ZNF407: variants seen among roughly 807,000 people sequenced by gnomAD.
ZNF407 encodes zinc finger protein 407.
In ZNF407, 17 loss-of-function variants were observed where a neutral mutation model predicts 131.2. The ratio of observed to expected loss-of-function variants is 0.13; its 90% CI spans 0.09 to 0.19. The LOEUF is 0.19. ZNF407 is among the 10% of genes least tolerant of loss of function. The pLI, the probability that ZNF407 is intolerant of heterozygous loss-of-function variation, is 1.00. For synonymous variants in ZNF407, 1,156 were observed against 1,062.0 expected, an observed-to-expected ratio of 1.09 and a Z score of -1.72; for missense variants, 2,681 against 2,830.6, an observed-to-expected ratio of 0.95 and a Z score of 1.20.
chr18:75,025,998 A>G lies in ZNF407; in HGVS notation c.5429-37152A>G, dbSNP rs912914717. Among the ~76,000 whole-genome samples the G allele has an allele frequency of 2.4e-4, 36 of 152,318 alleles. 1 individual carries two copies. Among genetic ancestry groups the G allele is most frequent in the African/African-American group, 7.0e-4 (29 of 41,560 alleles). On this transcript the variant is annotated intron_variant, in intron 8 of 8. Coordinates refer to ENST00000299687, the MANE Select transcript of ZNF407 (RefSeq NM_017757.3). ...CACGGCGTTAATTGAATCAACATCC[A>G]CTACGTAGAAGGTGTCTCTCACTTT...
chr18:74,981,875 T>C (rs971241242), intron 8 of ZNF407, among the ~76,000 whole-genome samples: 4 of 152,262 alleles, frequency 2.6e-5, no homozygotes, highest in Non-Finnish European at 5.9e-5. Flanking sequence ...AAATTGAAAC[T>C]TACCCAAATG....
At position 74,993,692 on chromosome 18, in the gene ZNF407, G is replaced by A. The variant is rs539028729; in HGVS notation, c.5429-69458G>A. On this transcript the variant is annotated intron_variant, in intron 8 of 8. Transcript: ENST00000299687. The stretch of plus-strand genomic sequence containing the variant: ...AAACTGTTAAGAAACAAAAAAATAC[G>A]CAGCGATTAAGTAATAGTTAACAGT... 9.9e-5 allele frequency among the ~76,000 whole-genome samples: 15 copies of A among 152,244 alleles called. No individual in the cohort carries two copies. The South Asian group carries it at 2.5e-3, about 25-fold the overall frequency.
intron 5 of ZNF407, among the ~76,000 whole-genome samples, chr18:74,879,761 A>G (rs180820342): frequency 6.6e-6 from 1 of 152,334 alleles, no homozygotes; most frequent in African/African-American, 2.4e-5. Context: ...CCCTTAGGAA[A>G]TAAGATTAAG....
intron 4 of ZNF407, chr18:74,803,964 A>G: frequency 6.4e-7 from 1 of 1,551,816 alleles, no homozygotes; most frequent in Non-Finnish European, 8.7e-7. Flanking sequence ...TTGGCTTCAG[A>G]GTAAAGGTTG....
intron 3 of ZNF407, among the ~76,000 whole-genome samples, chr18:74,732,047 CTAGGTAG>C (rs1968306378): frequency 6.6e-6 from 1 of 152,066 alleles, no homozygotes; most frequent in Non-Finnish European, 1.5e-5. Flanking sequence ...ACAAAGTAAC[CTAGGTAG>C]GTTTTCAGTT....
chr18:74,961,716 TA>T (rs11356218), intron 8 of ZNF407, among the ~76,000 whole-genome samples: 27,610 of 140,170 alleles, frequency 0.2, 2,804 homozygotes, highest in Admixed American at 0.29. Flanking sequence ...CTGTCTCAAT[TA>T]AAAAAAAAAA....
At chr18:74,889,272 C>A (rs1230853967) in intron 6 of ZNF407, among the ~76,000 whole-genome samples, 1 of 21,734 alleles carries the variant, frequency 4.6e-5, no homozygotes, top group Non-Finnish European at 1.1e-4. Context: ...CACTGCGTAG[C>A]TGTGTCTGTC....
intron 4 of ZNF407, among the ~76,000 whole-genome samples, chr18:74,805,298 A>C (rs1970092497): frequency 1.3e-5 from 2 of 152,152 alleles, no homozygotes; most frequent in African/African-American, 4.8e-5. Flanking sequence ...ATTTGATTAC[A>C]TTTTGGATTT....
intron 1 of ZNF407, among the ~76,000 whole-genome samples, chr18:74,624,437 G>A (rs1187895606): frequency 6.6e-6 from 1 of 152,130 alleles, no homozygotes; most frequent in African/African-American, 2.4e-5. Flanking sequence ...ATGGCTTTGA[G>A]ATACCTATTA....
At position 74,631,124 on chromosome 18, in the gene ZNF407, T is replaced by C; in HGVS notation, c.105T>C (p.Pro35=). 6.2e-7 allele frequency: 1 copy of C among 1,613,916 alleles called. No homozygotes were observed. Among genetic ancestry groups the C allele is most frequent in the South Asian group, 1.1e-5 (1 of 91,086 alleles). The change falls in exon 2 of 9, where the codon CCT becomes CCC. Residue 35 remains proline, a synonymous_variant. Coordinates refer to ENST00000299687, the MANE Select transcript of ZNF407 (RefSeq NM_017757.3). ...CATCCCATAATGAAGACGGTGGGCC[T>C]GTATCTGATGTGATAGCAAGTTTCC... ...KLSSHNEDGG[P]VSDVIASFPE...
chr18:74,635,029 A>C lies in ZNF407; in HGVS notation c.4010A>C (p.Tyr1337Ser), dbSNP rs760492866. 1 of 1,614,002 alleles carries C rather than the reference A, an allele frequency of 6.2e-7. No individual in the cohort carries two copies. Among genetic ancestry groups the C allele is most frequent in the Non-Finnish European group, 8.5e-7 (1 of 1,179,896 alleles). Residue 1337 changes from tyrosine (Y) to serine (S), a missense_variant, in exon 2 of 9, where the codon TAT becomes TCT. Around this residue, in one of 6 missense-constraint regions of ZNF407, gnomAD observed 1,789 missense variants for 1,748.7 expected, o/e 1.02. Coordinates refer to ENST00000299687, the MANE Select transcript of ZNF407 (RefSeq NM_017757.3). This position sits in a 1 kb window ranked among gnomAD's most constrained non-coding sequence, Gnocchi z 4.7. Reference protein sequence around the residue: ...SDSTVESSDVYETIISIDDKG... With the variant: ...SDSTVESSDVSETIISIDDKG... Reference sequence around the variant, plus strand: ...AGCACAGTTGAAAGTAGTGATGTCTATGAAACTATAATTAGTATTGATGAT... The same window carrying C: ...AGCACAGTTGAAAGTAGTGATGTCTCTGAAACTATAATTAGTATTGATGAT...
At chr18:75,010,510 A>G (rs1449053257) in intron 8 of ZNF407, among the ~76,000 whole-genome samples, 1 of 152,170 alleles carries the variant, frequency 6.6e-6, no homozygotes, top group Non-Finnish European at 1.5e-5. Context: ...ACTGCTAAGC[A>G]TATGCCAGGC....
chr18:74,635,851 A>G lies in ZNF407; in HGVS notation c.4687+145A>G. ...GTGTGCTGCTCTGCTTGTCTGCAAT[A>G]AGTCATTGTTGACACTTAACATTTT... On this transcript the variant is annotated intron_variant, in intron 2 of 8. Transcript: ENST00000299687. This position sits in a 1 kb window ranked among gnomAD's most constrained non-coding sequence, Gnocchi z 4.7. 2 of 1,118,282 alleles carry G rather than the reference A, an allele frequency of 1.8e-6. No individual in the cohort carries two copies. The highest frequency in any genetic ancestry group is 2.4e-6 in the Non-Finnish European group (2 of 818,848). The allele number at this position is 1,118,282 out of a possible 1,614,324, so 69.3% of individuals were successfully genotyped here.
chr18:74,764,406 G>C (rs1969181270), intron 3 of ZNF407, among the ~76,000 whole-genome samples: 1 of 151,966 alleles, frequency 6.6e-6, no homozygotes, highest in Non-Finnish European at 1.5e-5. Context: ...TTTATTTCTA[G>C]ACATGTGGTT....
chr18:74,886,775 T>C (rs992899732), intron 6 of ZNF407, among the ~76,000 whole-genome samples: 2 of 152,108 alleles, frequency 1.3e-5, no homozygotes, highest in African/African-American at 4.8e-5. Context: ...AAGGAGTCTT[T>C]TTGGGGGTGA....
At chr18:74,882,479 A>G (rs1971251797) in intron 6 of ZNF407, among the ~76,000 whole-genome samples, 1 of 152,210 alleles carries the variant, frequency 6.6e-6, no homozygotes, top group African/African-American at 2.4e-5. Context: ...ATGATTCTTG[A>G]TATGTTGTAT....
rs1982358365 is a variant in ZNF407 at position 74,597,871 on chromosome 18, A to C, written c.-120A>C. 6.6e-6 allele frequency: 1 copy of C among 152,668 alleles called. No homozygotes were observed. The highest frequency in any genetic ancestry group is 2.4e-5 in the African/African-American group (1 of 41,442). The allele number at this position is 152,668 out of a possible 1,614,324, so 9.5% of individuals were successfully genotyped here. A position where few individuals can be genotyped will look rare whatever the true frequency, so the allele number is the denominator to read the frequency against. On this transcript the variant is annotated 5_prime_UTR_variant, in exon 1 of 9. Transcript: ENST00000299687. ...CAGGATGTCCCGCCTCTTCCTCCCA[A>C]AGGGAAGACGGTGAGCCGGAGGAGT...
In ZNF407 at chr18:75,063,302, G is replaced by C. The variant is rs370256249; in HGVS notation, c.5581G>C (p.Glu1861Gln). The C allele has an allele frequency of 1.2e-6, 2 of 1,613,544 alleles. No homozygotes were observed. Among genetic ancestry groups the C allele is most frequent in the African/African-American group, 2.7e-5 (2 of 74,930 alleles). The change falls in exon 9 of 9, where the codon GAG becomes CAG. Residue 1861 changes from glutamate to glutamine, a missense_variant. Glu to Gln is a conservative substitution (Grantham distance 29). Coordinates refer to ENST00000299687, the MANE Select transcript of ZNF407 (RefSeq NM_017757.3). The surrounding 1 kb of genome is among the most constrained non-coding windows in gnomAD (Gnocchi z 6.6). ...RSSRRPAPPPEQVQQVIIFQG... is the reference protein window; with the variant it reads ...RSSRRPAPPPQQVQQVIIFQG... ...CAGCAGGAGGCCAGCGCCGCCCCCT[G>C]AGCAGGTGCAGCAGGTCATCATCTT...
chr18:74,613,489 G>C (rs573072145), intron 1 of ZNF407, among the ~76,000 whole-genome samples: 167 of 152,334 alleles, frequency 1.1e-3, no homozygotes, highest in Non-Finnish European at 6.8e-4. Flanking sequence ...GAACTGTCAA[G>C]CATTTGTAGT....
Sources: allele counts gnomAD v4.1 joint callset (sites outside exome capture counted in the v4.1 genomes callset), GRCh38; gene constraint gnomAD v4.1.1; regional missense constraint gnomAD v4.1.1; non-coding constraint Gnocchi (gnomAD v3.1); transcripts MANE v1.5; gene names NCBI Gene and HGNC (gene_info 2026-07-23, HGNC 2026-07-21).